The following WNT9B variants were observed in gnomAD, a reference collection of about 807,000 sequenced individuals.
WNT9B encodes protein Wnt-9b.
A neutral mutation model predicts 30.2 loss-of-function variants in WNT9B; 12 were observed. That is an observed-to-expected ratio of 0.40 (90% CI 0.26 to 0.64). The LOEUF (loss-of-function observed/expected upper bound fraction) is 0.64, where lower values mean the gene tolerates loss of function less well. Among genes scored for constraint, WNT9B ranks in the 30% least tolerant of loss-of-function variants. The pLI is 0.42. For synonymous variants in WNT9B, 218 were observed against 216.9 expected (o/e 1.01, Z -0.05); for missense variants, 442 against 485.2 (o/e 0.91, Z 0.84).
At chr17:46,871,064 C>A (rs1278035355) in intron 1 of WNT9B, among the ~76,000 whole-genome samples, 1 of 152,044 alleles carries the variant, frequency 6.6e-6, no homozygotes, top group Non-Finnish European at 1.5e-5. Flanking sequence ...GTGTGTGCCA[C>A]CATGCCCACA....
At chr17:46,843,681 C>G (rs1311300050) in intron 1 of WNT9B, among the ~76,000 whole-genome samples, 1 of 152,186 alleles carries the variant, frequency 6.6e-6, no homozygotes, top group Non-Finnish European at 1.5e-5. Flanking sequence ...TCTCTGTGCC[C>G]ATTTCCTCAT....
chr17:46,855,674 A>G (rs2084926285), intron 1 of WNT9B, among the ~76,000 whole-genome samples: 1 of 152,212 alleles, frequency 6.6e-6, no homozygotes, highest in Non-Finnish European at 1.5e-5. Context: ...TGGGCACAAG[A>G]CAGGCCCAGT....
intron 1 of WNT9B, among the ~76,000 whole-genome samples, chr17:46,839,168 G>A (rs904049834): frequency 2.0e-5 from 3 of 152,192 alleles, no homozygotes; most frequent in Non-Finnish European, 4.4e-5. Context: ...GTGAGCCACC[G>A]CACCTGGCCT....
At chr17:46,865,565 G>A (rs139659776) in intron 1 of WNT9B, among the ~76,000 whole-genome samples, 24 of 152,248 alleles carry the variant, frequency 1.6e-4, no homozygotes, top group Admixed American at 7.2e-4. Flanking sequence ...CAGGAGGAAC[G>A]AGTGGTTTTG....
upstream of WNT9B, among the ~76,000 whole-genome samples, chr17:46,850,418 T>C (rs1420966559): frequency 6.6e-6 from 1 of 152,202 alleles, no homozygotes; most frequent in Non-Finnish European, 1.5e-5. Context: ...TAATGCCACC[T>C]AACACGGTAG....
chr17:46,844,501 C>T (rs1443295485), intron 1 of WNT9B, among the ~76,000 whole-genome samples: 1 of 152,112 alleles, frequency 6.6e-6, no homozygotes, highest in Non-Finnish European at 1.5e-5. Flanking sequence ...TTCCTGTAAA[C>T]TTATTTGTAC....
At chr17:46,867,429 C>T (rs2085157768) in intron 1 of WNT9B, among the ~76,000 whole-genome samples, 1 of 152,228 alleles carries the variant, frequency 6.6e-6, no homozygotes, top group Non-Finnish European at 1.5e-5. Flanking sequence ...GGAATGAGCT[C>T]AGTTGGTGAG....
At chr17:46,845,332 C>G (rs561929515) in intron 1 of WNT9B, among the ~76,000 whole-genome samples, 1 of 152,194 alleles carries the variant, frequency 6.6e-6, no homozygotes, top group South Asian at 2.1e-4. Flanking sequence ...GTCTCTAGGT[C>G]AGCTCACTGT....
intron 1 of WNT9B, among the ~76,000 whole-genome samples, chr17:46,860,827 T>C (rs1292101743): frequency 6.6e-6 from 1 of 152,232 alleles, no homozygotes. Context: ...AGGTAGGTGC[T>C]GATATAATTC....
chr17:46,885,253 G>T (rs187317337), downstream of WNT9B: 1 of 292,514 alleles, frequency 3.4e-6, no homozygotes, highest in African/African-American at 2.3e-5. Flanking sequence ...TGATCCACCC[G>T]CCTCGGCCTC....
At chr17:46,871,743 T>A (rs2085247723) in intron 1 of WNT9B, among the ~76,000 whole-genome samples, 1 of 152,162 alleles carries the variant, frequency 6.6e-6, no homozygotes, top group Non-Finnish European at 1.5e-5. Context: ...CGATGAACTT[T>A]CAATCTAGGA....
chr17:46,884,327 C>A (rs535587611), downstream of WNT9B, among the ~76,000 whole-genome samples: 1 of 152,330 alleles, frequency 6.6e-6, no homozygotes, highest in East Asian at 1.9e-4. Context: ...TGCCCAGAGG[C>A]GGGAGATGTC....
At chr17:46,857,239 C>T (rs192566859) in intron 1 of WNT9B, among the ~76,000 whole-genome samples, 71 of 152,156 alleles carry the variant, frequency 4.7e-4, no homozygotes, top group Non-Finnish European at 6.3e-4. Flanking sequence ...GAGGCCGAGA[C>T]GGGCAGATCA....
chr17:46,869,182 A>G (rs1217784504), intron 1 of WNT9B, among the ~76,000 whole-genome samples: 1 of 152,160 alleles, frequency 6.6e-6, no homozygotes, highest in Non-Finnish European at 1.5e-5. Flanking sequence ...TTTCCTGGTC[A>G]TTAATCGCTA....
intron 1 of WNT9B, among the ~76,000 whole-genome samples, chr17:46,853,270 A>G (rs1241619089): frequency 6.6e-6 from 1 of 150,848 alleles, no homozygotes. Context: ...AATGAAGATT[A>G]TACTGCCTAT....
At chr17:46,866,974 C>G (rs1013316787) in intron 1 of WNT9B, among the ~76,000 whole-genome samples, 3 of 152,222 alleles carry the variant, frequency 2.0e-5, no homozygotes, top group Non-Finnish European at 2.9e-5. Flanking sequence ...CTTGCCTCCT[C>G]CTCACCCCCA....
At chr17:46,851,140 G>T (rs369713351), upstream of WNT9B, among the ~76,000 whole-genome samples, 1 of 152,096 alleles carries the variant, frequency 6.6e-6, no homozygotes, top group East Asian at 1.9e-4. This position sits in a 1 kb window ranked among gnomAD's most constrained non-coding sequence, Gnocchi z 4.3. Flanking sequence ...GCACTTGCCC[G>T]GCAGGAGGGC....
chr17:46,870,705 T>C (rs1336366342), intron 1 of WNT9B, among the ~76,000 whole-genome samples: 1 of 152,162 alleles, frequency 6.6e-6, no homozygotes, highest in African/African-American at 2.4e-5. Flanking sequence ...AGAGAGGGCA[T>C]GGCCTCCAGC....
intron 1 of WNT9B, among the ~76,000 whole-genome samples, chr17:46,866,902 GA>G (rs1360222423): frequency 6.6e-6 from 1 of 152,164 alleles, no homozygotes; most frequent in East Asian, 1.9e-4. Context: ...TAGGTGATGA[GA>G]AAAGCTCTCC....
Sources: allele counts gnomAD v4.1 joint callset (sites outside exome capture counted in the v4.1 genomes callset), GRCh38; gene constraint gnomAD v4.1.1; non-coding constraint Gnocchi (gnomAD v3.1); transcripts MANE v1.5; gene names NCBI Gene and HGNC (gene_info 2026-07-23, HGNC 2026-07-21).